EBF1: variants seen among roughly 807,000 people sequenced by gnomAD.
EBF1 encodes the protein transcription factor COE1.
EBF1 carries 10 observed loss-of-function variants against 68.4 expected under a neutral mutation model. The observed-to-expected ratio is 0.15, with a 90% CI of 0.09 to 0.25. EBF1 has a LOEUF of 0.25. Ranked by LOEUF, EBF1 falls within the 10% of genes least tolerant of loss-of-function variation. The pLI is 1.00. For synonymous variants in EBF1, 298 were observed against 299.8 expected (o/e 0.99, Z 0.06); for missense variants, 509 against 794.4 (o/e 0.64, Z 4.32).
intron 6 of EBF1, among the ~76,000 whole-genome samples, chr5:159,030,791 T>C (rs896901276): frequency 2.6e-5 from 4 of 152,162 alleles, no homozygotes; most frequent in Non-Finnish European, 5.9e-5. Flanking sequence ...CCAATGAATG[T>C]GAGCCACAGT....
intron 15 of EBF1, chr5:158,707,770 C>A: frequency 1.8e-6 from 1 of 570,016 alleles, no homozygotes; most frequent in East Asian, 2.8e-5. Flanking sequence ...TTCTTGAGCA[C>A]CTCCAGCAGA....
In EBF1 at chr5:158,778,653, C is replaced by A. The variant is rs564949578; in HGVS notation, c.910-1114G>T. On this transcript the variant is annotated intron_variant, in intron 9 of 15. Coordinates refer to ENST00000313708, the MANE Select transcript of EBF1 (RefSeq NM_024007.5). Reference sequence around the variant, plus strand: ...GAGAGGCTGGATGCGGCCAATGGGTCCCTGACTGGATAAACTGTTCTAACA... The same window carrying A: ...GAGAGGCTGGATGCGGCCAATGGGTACCTGACTGGATAAACTGTTCTAACA... 2.6e-5 allele frequency among the ~76,000 whole-genome samples: 4 copies of A among 152,206 alleles called. No individual in the cohort carries two copies. In the East Asian group the frequency reaches 7.7e-4, roughly 29 times the overall value.
At chr5:158,895,604 G>A (rs1802016730) in intron 6 of EBF1, among the ~76,000 whole-genome samples, 1 of 152,122 alleles carries the variant, frequency 6.6e-6, no homozygotes, top group Non-Finnish European at 1.5e-5. Context: ...AGTGACTAAA[G>A]ACAATGCTAT....
At chr5:158,849,444 G>A (rs1312295583) in intron 6 of EBF1, among the ~76,000 whole-genome samples, 1 of 151,892 alleles carries the variant, frequency 6.6e-6, no homozygotes, top group East Asian at 1.9e-4. Flanking sequence ...ATCCCTCCAG[G>A]TGCGGTATAA....
chr5:158,995,718 C>G (rs1187311039), intron 6 of EBF1, among the ~76,000 whole-genome samples: 1 of 152,152 alleles, frequency 6.6e-6, no homozygotes, highest in East Asian at 1.9e-4. Context: ...AGAAAGAACC[C>G]AGCACCCTGC....
At chr5:159,066,246 C>T (rs1267115282) in intron 6 of EBF1, among the ~76,000 whole-genome samples, 3 of 152,062 alleles carry the variant, frequency 2.0e-5, no homozygotes, top group African/African-American at 7.2e-5. Flanking sequence ...TATTACAAAA[C>T]TATTGTGCCT....
intron 6 of EBF1, among the ~76,000 whole-genome samples, chr5:159,071,510 G>A (rs909026532): frequency 1.3e-5 from 2 of 152,128 alleles, no homozygotes; most frequent in Admixed American, 1.3e-4. Flanking sequence ...GATGCAAAGC[G>A]GCAACAATAG....
At chr5:158,892,623 G>C (rs1318673921) in intron 6 of EBF1, among the ~76,000 whole-genome samples, 1 of 152,080 alleles carries the variant, frequency 6.6e-6, no homozygotes, top group African/African-American at 2.4e-5. Flanking sequence ...CTAATATATT[G>C]TATAAAATTG....
chr5:158,827,136 G>A (rs1786335783), intron 7 of EBF1, among the ~76,000 whole-genome samples: 1 of 152,170 alleles, frequency 6.6e-6, no homozygotes, highest in African/African-American at 2.4e-5. Flanking sequence ...ATTAGTAGCA[G>A]TAATAGAGTA....
intron 6 of EBF1, among the ~76,000 whole-genome samples, chr5:159,047,738 C>T (rs939383716): frequency 5.3e-5 from 8 of 152,194 alleles, no homozygotes; most frequent in African/African-American, 1.9e-4. Context: ...TCAGCCCCAA[C>T]CCTTTTGTAC....
chr5:159,099,543 G>C lies in EBF1; in HGVS notation c.-65C>G. On this transcript the variant is annotated 5_prime_UTR_variant, in exon 1 of 16. Coordinates refer to ENST00000313708, the MANE Select transcript of EBF1 (RefSeq NM_024007.5). ...AAAAAAATTAAAAAAAAAAAAAAAG[G>C]AAAGAAAAGAAAGAAAAGAAAAGAA... The C allele has an allele frequency of 1.3e-5, 16 of 1,240,324 alleles. No individual in the cohort carries two copies. Among genetic ancestry groups the C allele is most frequent in the Non-Finnish European group, 1.3e-5 (12 of 951,392 alleles). 76.8% of individuals were successfully genotyped at this position (1,240,324 alleles called of 1,614,324 possible).
In EBF1 at chr5:159,028,840, C is replaced by A. The variant is rs192171391; in HGVS notation, c.554+44556G>T. ...TCATGGTTATTCTGCAGGAAAAGTT[C>A]TTGAAAGAAGGAACAGCAAGTTCCC... On this transcript the variant is annotated intron_variant, in intron 6 of 15. Transcript: ENST00000313708. Among the ~76,000 whole-genome samples the A allele has an allele frequency of 8.5e-5, 13 of 152,246 alleles. No individual in the cohort carries two copies. In the East Asian group the frequency reaches 1.9e-3, roughly 23 times the overall value.
intron 10 of EBF1, among the ~76,000 whole-genome samples, chr5:158,764,829 GGAGGATACA>G (rs1334403326): frequency 6.6e-6 from 1 of 152,108 alleles, no homozygotes; most frequent in Non-Finnish European, 1.5e-5. Flanking sequence ...TCAACTAGTT[GGAGGATACA>G]GATCTGATAT....
chr5:158,978,987 G>A (rs892940401), intron 6 of EBF1, among the ~76,000 whole-genome samples: 1 of 152,060 alleles, frequency 6.6e-6, no homozygotes, highest in Non-Finnish European at 1.5e-5. Context: ...TGCAAAAGGT[G>A]GCATTTAGCT....
intron 6 of EBF1, among the ~76,000 whole-genome samples, chr5:158,938,338 C>G (rs1812523444): frequency 1.3e-5 from 2 of 152,294 alleles, no homozygotes; most frequent in Non-Finnish European, 2.9e-5. Flanking sequence ...ACCTTTCACC[C>G]CCCTCCTCCC....
At chr5:159,069,924 C>G (rs537847982) in intron 6 of EBF1, among the ~76,000 whole-genome samples, 1 of 152,240 alleles carries the variant, frequency 6.6e-6, no homozygotes, top group Non-Finnish European at 1.5e-5. Context: ...CCTATTTATT[C>G]AATTTCTAAA....
In EBF1 at chr5:158,932,552, A is replaced by AT. The variant is rs1406822568; in HGVS notation, c.555-92443dup. 1.7e-4 allele frequency among the ~76,000 whole-genome samples: 26 copies of AT among 152,360 alleles called. 1 individual carries two copies. Among genetic ancestry groups the AT allele is most frequent in the Non-Finnish European group, 1.5e-5 (1 of 68,020 alleles). On this transcript the variant is annotated intron_variant, in intron 6 of 15. Transcript: ENST00000313708. ...TCTTTATACTTTGTAAAAAGTATTC[A>AT]TTTTAAATATGAAAATTATAAAATA...
intron 11 of EBF1, among the ~76,000 whole-genome samples, chr5:158,727,402 T>A (rs576358433): frequency 1.3e-5 from 2 of 152,206 alleles, no homozygotes; most frequent in Non-Finnish European, 2.9e-5. Flanking sequence ...ATTGCATCAC[T>A]GCGGCCATCA....
intron 1 of EBF1, 83 bp from the exon 2 acceptor site, chr5:159,097,213 T>C: frequency 1.4e-6 from 2 of 1,446,410 alleles, no homozygotes; most frequent in East Asian, 2.4e-5. Flanking sequence ...ACTCGAACCC[T>C]CAAACACCCA....
Sources: gnomAD v4.1 joint callset for allele counts (sites outside exome capture counted in the v4.1 genomes callset) on GRCh38, gnomAD v4.1.1 for gene constraint, MANE v1.5 for transcripts, NCBI Gene and HGNC (gene_info 2026-07-23, HGNC 2026-07-21) for gene names.